TAF1: variants seen among roughly 807,000 people sequenced by gnomAD.
The protein encoded by TAF1 is TATA-box binding protein associated factor 1.
TAF1 carries 2 observed loss-of-function variants against 138.5 expected under a neutral mutation model. That is an observed-to-expected ratio of 0.01 (90% CI 0.01 to 0.05). TAF1 has a LOEUF of 0.05. Ranked by LOEUF, TAF1 falls within the 10% of genes least tolerant of loss-of-function variation. The pLI, the probability that TAF1 is intolerant of heterozygous loss-of-function variation, is 1.00. For synonymous variants in TAF1, 437 were observed against 503.2 expected (o/e 0.87, Z 1.76); for missense variants, 709 against 1,478.0 (o/e 0.48, Z 8.53).
intron 25 of TAF1, among the ~76,000 whole-genome samples, chrX:71,403,456 T>C (rs1415548231): frequency 1.8e-5 from 2 of 112,323 alleles, no homozygotes; most frequent in African/African-American, 6.5e-5. Context: ...TGGCAAGACA[T>C]TTAATGTCAT....
At chrX:71,452,834 G>T (rs1035374515) in intron 32 of TAF1, among the ~76,000 whole-genome samples, 6 of 112,355 alleles carry the variant, frequency 5.3e-5, no homozygotes, top group African/African-American at 9.7e-5. Flanking sequence ...CGAGGCTGGC[G>T]GATCACTCGC....
rs764404214 is a variant in TAF1 at position 71,377,665 on chromosome X, T to C, written c.777T>C (p.Ala259=). 1.2e-5 allele frequency: 15 copies of C among 1,209,434 alleles called. No homozygotes were observed. The highest frequency in any genetic ancestry group is 1.7e-5 in the Non-Finnish European group (15 of 895,291). Residue 259 remains alanine, a synonymous_variant, in exon 6 of 38, where the codon GCT becomes GCC. Transcript: ENST00000423759. ...GKNVPSVWRS[A]RRKRKKKHRE... ...ATGTCCCATCTGTTTGGCGGAGTGC[T>C]CGGAGAAAGAGGAAGAAGAAGCACC...
intron 28 of TAF1, among the ~76,000 whole-genome samples, chrX:71,412,431 AT>A (rs1046700802): frequency 4.6e-5 from 5 of 108,640 alleles, no homozygotes; most frequent in African/African-American, 1.7e-4. Flanking sequence ...GCCCAACCTC[AT>A]TTTTTTTTAA....
chrX:71,437,168 A>G (rs752502404), intron 32 of TAF1, among the ~76,000 whole-genome samples: 1 of 111,966 alleles, frequency 8.9e-6, no homozygotes, highest in African/African-American at 3.2e-5. Flanking sequence ...TATTCAATAT[A>G]AAATTTAAAA....
At position 71,404,813 on chromosome X, in the gene TAF1, G is replaced by A. The variant is rs192642454; in HGVS notation, c.3999-1825G>A. Among the ~76,000 whole-genome samples, 159 of 110,486 alleles carry A rather than the reference G, an allele frequency of 1.4e-3. No individual in the cohort carries two copies. The Middle Eastern group carries it at 0.019, about 13-fold the overall frequency. On this transcript the variant is annotated intron_variant, in intron 25 of 37. Coordinates refer to ENST00000423759, the MANE Select transcript of TAF1 (RefSeq NM_004606.5). ...TATTGAGAAATTTGCTCTGTCCTAT[G>A]ATATGTACAAAATAGTTTCAGAATT... is the stretch of plus-strand genomic sequence containing the variant.
At chrX:71,420,487 G>T in intron 28 of TAF1, 1 of 1,202,958 alleles carries the variant, frequency 8.3e-7, no homozygotes, top group Non-Finnish European at 1.1e-6. Context: ...TAGATGGAAC[G>T]GGCATCGGCC....
At position 71,378,286 on chromosome X, in the gene TAF1, A is replaced by G. The variant is rs1210590126; in HGVS notation, c.985A>G (p.Ile329Val). The G allele has an allele frequency of 1.7e-6, 2 of 1,211,910 alleles. No homozygotes were observed. Among genetic ancestry groups the G allele is most frequent in the South Asian group, 1.8e-5 (1 of 57,010 alleles). The stretch of plus-strand genomic sequence containing the variant: ...CAAATTTTCCCAATCAACTGGAGAT[A>G]TAGATAAAGTGACAGATACCAAACC... ...ESKFSQSTGD[I>V]DKVTDTKPRV... The change falls in exon 7 of 38, where the codon ATA becomes GTA. Residue 329 changes from isoleucine (I) to valine (V), a missense_variant. Physicochemically the swap from Ile to Val is conservative, Grantham distance 29. This residue lies in a region of TAF1 where 201 missense variants were observed against 421.3 expected (regional missense o/e 0.48). Coordinates refer to ENST00000423759, the MANE Select transcript of TAF1 (RefSeq NM_004606.5).
intron 3 of TAF1, among the ~76,000 whole-genome samples, chrX:71,372,234 C>T (rs956614667): frequency 1.8e-5 from 2 of 109,523 alleles, no homozygotes; most frequent in African/African-American, 6.6e-5. Flanking sequence ...GAGTTCGAGT[C>T]CAGCCTGACC....
At chrX:71,417,842 A>T (rs776097149) in intron 28 of TAF1, among the ~76,000 whole-genome samples, 4 of 111,555 alleles carry the variant, frequency 3.6e-5, no homozygotes, top group Non-Finnish European at 5.7e-5. Flanking sequence ...GGCAACCAAT[A>T]TATTCCTCTA....
At chrX:71,373,246 T>A (rs188788489) in intron 3 of TAF1, among the ~76,000 whole-genome samples, 1 of 105,205 alleles carries the variant, frequency 9.5e-6, no homozygotes, top group Non-Finnish European at 2.0e-5. Context: ...CGGTTCACTG[T>A]AACCTCTGCC....
intron 13 of TAF1, among the ~76,000 whole-genome samples, chrX:71,500,520 G>T (rs2039480662): frequency 9.6e-6 from 1 of 104,312 alleles, no homozygotes; most frequent in African/African-American, 3.5e-5. Context: ...TGGTTTGTTT[G>T]CTCCCCACCC....
intron 13 of TAF1, 21 bp downstream of exon 13, chrX:71,384,156 T>A (rs1602490184): frequency 1.7e-6 from 2 of 1,201,722 alleles, no homozygotes; most frequent in African/African-American, 1.7e-5. Context: ...GCTCAGAAAA[T>A]TTTTTTCCCA....
intron 13 of TAF1, among the ~76,000 whole-genome samples, chrX:71,484,568 G>A (rs1490951483): frequency 9.0e-6 from 1 of 111,424 alleles, no homozygotes; most frequent in African/African-American, 3.3e-5. Flanking sequence ...CTGACCTCAG[G>A]TGATCCGCCT....
intron 13 of TAF1, among the ~76,000 whole-genome samples, chrX:71,507,191 T>G (rs1347794656): frequency 9.0e-6 from 1 of 111,692 alleles, no homozygotes; most frequent in Non-Finnish European, 1.9e-5. Flanking sequence ...TGCCACTGAA[T>G]TATACACTTT....
intron 13 of TAF1, among the ~76,000 whole-genome samples, chrX:71,496,827 CCCAA>C (rs2039407259): frequency 9.0e-6 from 1 of 111,369 alleles, no homozygotes; most frequent in Non-Finnish European, 1.9e-5. Flanking sequence ...GTCTCTCCCC[CCCAA>C]CCCTTTGACT....
In TAF1 at chrX:71,463,807, CAT is replaced by C; in HGVS notation, c.5400-16_5400-15del. ...GATGGTGTCCGAGCTTGAGAGATGACATGTTTCTCTTCTCAGTTATGGGAGCT... is the reference window on the plus strand; with the variant it reads ...GATGGTGTCCGAGCTTGAGAGATGACGTTTCTCTTCTCAGTTATGGGAGCT... On this transcript the variant is annotated splice_polypyrimidine_tract_variant and intron_variant, in intron 37 of 37. Coordinates refer to ENST00000423759, the MANE Select transcript of TAF1 (RefSeq NM_004606.5). 8.3e-7 allele frequency: 1 copy of C among 1,200,383 alleles called. No individual in the cohort carries two copies. Among genetic ancestry groups the C allele is most frequent in the Non-Finnish European group, 1.1e-6 (1 of 886,900 alleles).
intron 13 of TAF1, among the ~76,000 whole-genome samples, chrX:71,481,621 G>A (rs1372991229): frequency 2.7e-5 from 3 of 111,358 alleles, no homozygotes; most frequent in East Asian, 2.9e-4. Context: ...GCAGTGGCAC[G>A]ATCTCGGCTC....
chrX:71,393,945 A>T, intron 21 of TAF1, 122 bp from the exon 22 acceptor site: 1 of 678,281 alleles, frequency 1.5e-6, no homozygotes. Context: ...CTTTTCTGTT[A>T]AGGGCCCCAT....
At chrX:71,447,361 G>T (rs1019367223) in intron 32 of TAF1, among the ~76,000 whole-genome samples, 5 of 110,650 alleles carry the variant, frequency 4.5e-5, no homozygotes, top group African/African-American at 1.6e-4. Context: ...GGTGCCCAGG[G>T]GTGCTTGCCA....
Sources: allele counts gnomAD v4.1 joint callset (sites outside exome capture counted in the v4.1 genomes callset), GRCh38; gene constraint gnomAD v4.1.1; regional missense constraint gnomAD v4.1.1; transcripts MANE v1.5; gene names NCBI Gene and HGNC (gene_info 2026-07-23, HGNC 2026-07-21).